GPR158: variants seen among roughly 807,000 people sequenced by gnomAD.
The protein encoded by GPR158 is metabotropic glycine receptor.
Under a neutral mutation model 78.2 loss-of-function variants are expected in GPR158, and 30 were observed. The observed-to-expected ratio is 0.38, with a 90% CI of 0.29 to 0.52. The LOEUF is 0.52. Ranked by LOEUF, GPR158 falls within the 20% of genes least tolerant of loss-of-function variation. The pLI is 0.83. For missense variants in GPR158, 1,463 were observed against 1,523.5 expected (o/e 0.96, Z 0.66); for synonymous variants, 581 against 591.1 (o/e 0.98, Z 0.25).
chr10:25,186,960 ATTTTTTTTT>A (rs1172184108), intron 1 of GPR158, among the ~76,000 whole-genome samples: 1,939 of 119,236 alleles, frequency 0.016, 56 homozygotes, highest in African/African-American at 0.061. Flanking sequence ...TCCCTAACTC[ATTTTTTTTT>A]TTTTTTTTTT....
Position 25,359,903 on chromosome 10 carries a change from C to T in GPR158, c.1009-36008C>T, listed in dbSNP as rs546739113. ...ACAGTGTAAAAGAATTCCTATTTCT[C>T]CACATCCTTTCCAGCATCTGTTGTT... On this transcript the variant is annotated intron_variant, in intron 2 of 10. Transcript: ENST00000376351. Among the ~76,000 whole-genome samples, 4 of 152,278 alleles carry T rather than the reference C, an allele frequency of 2.6e-5. No individual in the cohort carries two copies. The South Asian group carries it at 8.3e-4, about 32-fold the overall frequency.
chr10:25,514,591 G>C (rs1365209976), intron 5 of GPR158, among the ~76,000 whole-genome samples: 2 of 151,950 alleles, frequency 1.3e-5, no homozygotes, highest in Non-Finnish European at 2.9e-5. Flanking sequence ...CTTTTTCATT[G>C]TGTTATTGTT....
intron 2 of GPR158, among the ~76,000 whole-genome samples, chr10:25,301,972 A>G (rs967548546): frequency 3.3e-5 from 5 of 152,048 alleles, no homozygotes; most frequent in African/African-American, 1.2e-4. Context: ...TGTAAGTAGA[A>G]TCATACAGTA....
At chr10:25,300,024 C>T (rs995865540) in intron 2 of GPR158, among the ~76,000 whole-genome samples, 1 of 152,120 alleles carries the variant, frequency 6.6e-6, no homozygotes, top group African/African-American at 2.4e-5. Flanking sequence ...TACCAAAGTG[C>T]TGGGATTACA....
At chr10:25,412,617 T>C in intron 4 of GPR158, 144 bp downstream of exon 4, 1 of 625,104 alleles carries the variant, frequency 1.6e-6, no homozygotes, top group Non-Finnish European at 2.9e-6. Context: ...ATGAAAGTTA[T>C]ATTCTTTAGC....
At chr10:25,223,722 G>A (rs2130686140) in intron 2 of GPR158, among the ~76,000 whole-genome samples, 1 of 152,164 alleles carries the variant, frequency 6.6e-6, no homozygotes, top group Non-Finnish European at 1.5e-5. Flanking sequence ...GCTTATTTTG[G>A]GAAGCACTTA....
At chr10:25,375,677 C>T (rs765479145) in intron 2 of GPR158, among the ~76,000 whole-genome samples, 5 of 151,390 alleles carry the variant, frequency 3.3e-5, no homozygotes, top group South Asian at 2.1e-4. Context: ...ATTGTATTTG[C>T]GCATCTGTCA....
intron 2 of GPR158, among the ~76,000 whole-genome samples, chr10:25,326,539 A>G (rs142786830): frequency 2.8e-4 from 43 of 152,218 alleles, no homozygotes; most frequent in African/African-American, 1.0e-3. Flanking sequence ...TCTCATTTAT[A>G]TGTTGAGTCT....
At chr10:25,521,404 C>G (rs968917441) in intron 5 of GPR158, among the ~76,000 whole-genome samples, 2 of 152,170 alleles carry the variant, frequency 1.3e-5, no homozygotes, top group African/African-American at 4.8e-5. Flanking sequence ...CTATTGTTAT[C>G]TATTTCACTG....
intron 1 of GPR158, among the ~76,000 whole-genome samples, chr10:25,201,025 T>C (rs749635583): frequency 3.3e-5 from 5 of 152,042 alleles, no homozygotes; most frequent in East Asian, 3.9e-4. Flanking sequence ...TTTTAAAACC[T>C]TCTAATTCTA....
intron 2 of GPR158, among the ~76,000 whole-genome samples, chr10:25,338,501 A>AT (rs1263412127): frequency 6.3e-5 from 9 of 143,200 alleles, no homozygotes; most frequent in Non-Finnish European, 1.1e-4. Context: ...ATATACGTAT[A>AT]TATATTACGT....
chr10:25,403,329 G>A (rs922452256), intron 3 of GPR158, among the ~76,000 whole-genome samples: 1 of 151,856 alleles, frequency 6.6e-6, no homozygotes, highest in Non-Finnish European at 1.5e-5. Context: ...ATTTTGGCAG[G>A]CTTACAATTA....
At chr10:25,426,303 C>T (rs1015681765) in intron 4 of GPR158, among the ~76,000 whole-genome samples, 3 of 152,090 alleles carry the variant, frequency 2.0e-5, no homozygotes, top group African/African-American at 4.8e-5. Flanking sequence ...TCTTAACATT[C>T]GTATGTTCAC....
chr10:25,587,477 A>G (rs7914821), intron 7 of GPR158, among the ~76,000 whole-genome samples: 55,536 of 152,102 alleles, frequency 0.37, 10,228 homozygotes, highest in East Asian at 0.49. Context: ...GAAATGACTC[A>G]AAGAAAGAAA....
At chr10:25,317,715 TG>T (rs1854876282) in intron 2 of GPR158, among the ~76,000 whole-genome samples, 2 of 134,844 alleles carry the variant, frequency 1.5e-5, no homozygotes, top group African/African-American at 6.8e-5. Flanking sequence ...CTTCGTAAAG[TG>T]TTTTTTTTTG....
chr10:25,426,712 A>G (rs955790916), intron 4 of GPR158, among the ~76,000 whole-genome samples: 2 of 152,122 alleles, frequency 1.3e-5, no homozygotes, highest in Non-Finnish European at 2.9e-5. Flanking sequence ...ATCACCAATC[A>G]CCATAACAGA....
chr10:25,333,294 G>C (rs1855153879), intron 2 of GPR158, among the ~76,000 whole-genome samples: 1 of 152,136 alleles, frequency 6.6e-6, no homozygotes. Flanking sequence ...TTCTTTATTA[G>C]ATAGGGATTT....
At chr10:25,528,274 T>C (rs1036495044) in intron 5 of GPR158, among the ~76,000 whole-genome samples, 1 of 151,884 alleles carries the variant, frequency 6.6e-6, no homozygotes, top group Non-Finnish European at 1.5e-5. Flanking sequence ...CTTATGAACA[T>C]AGAATTAAAA....
intron 2 of GPR158, among the ~76,000 whole-genome samples, chr10:25,239,113 G>T (rs1463428403): frequency 6.6e-6 from 1 of 152,120 alleles, no homozygotes; most frequent in Non-Finnish European, 1.5e-5. Flanking sequence ...AAACCAGAAG[G>T]GTAAGCCTGT....
Sources: allele counts gnomAD v4.1 joint callset (sites outside exome capture counted in the v4.1 genomes callset), GRCh38; gene constraint gnomAD v4.1.1; transcripts MANE v1.5; gene names NCBI Gene and HGNC (gene_info 2026-07-23, HGNC 2026-07-21).